Variants in YWHAQ observed in about 807,000 individuals in gnomAD.
YWHAQ encodes the protein tyrosine 3-monooxygenase/tryptophan 5-monooxygenase activation protein theta, also known as 14-3-3 protein theta.
A neutral mutation model predicts 28.3 loss-of-function variants in YWHAQ; 6 were observed. The observed-to-expected ratio is 0.21, with a 90% CI of 0.12 to 0.42. The LOEUF (loss-of-function observed/expected upper bound fraction) is 0.42. Among genes scored for constraint, YWHAQ ranks in the 10% least tolerant of loss-of-function variants. The pLI is 1.00. For synonymous variants in YWHAQ, 143 were observed against 119.1 expected (o/e 1.20, Z -1.31); for missense variants, 201 against 305.6 (o/e 0.66, Z 2.55).
chr2:9,598,397 A>G (rs1410660613), intron 2 of YWHAQ, among the ~76,000 whole-genome samples: 1 of 152,212 alleles, frequency 6.6e-6, no homozygotes, highest in East Asian at 1.9e-4. Context: ...CCACTGTCCT[A>G]GCAGACAGAT....
chr2:9,606,905 G>A (rs1028526433), intron 2 of YWHAQ, among the ~76,000 whole-genome samples: 1 of 145,904 alleles, frequency 6.9e-6, no homozygotes, highest in Non-Finnish European at 1.5e-5. Context: ...TTTTTTTTGA[G>A]ACAGAGTCTC....
chr2:9,593,181 T>G (rs1666491925), intron 2 of YWHAQ, among the ~76,000 whole-genome samples: 2 of 152,106 alleles, frequency 1.3e-5, no homozygotes, highest in Admixed American at 6.5e-5. Flanking sequence ...AAGAACTTTC[T>G]TCTTGTTTAT....
At chr2:9,591,538 T>G (rs1343544013) in intron 2 of YWHAQ, 23 bp from the exon 3 acceptor site, 1 of 1,593,816 alleles carries the variant, frequency 6.3e-7, no homozygotes, top group African/African-American at 1.3e-5. Context: ...AGACAGAACA[T>G]TAGGCACTAA....
intron 2 of YWHAQ, among the ~76,000 whole-genome samples, chr2:9,624,995 C>G (rs979709924): frequency 6.6e-6 from 1 of 151,952 alleles, no homozygotes; most frequent in Non-Finnish European, 1.5e-5. Context: ...CCACCTGCCT[C>G]GGCCTCCCAA....
At chr2:9,604,099 T>C (rs2125067395) in intron 2 of YWHAQ, among the ~76,000 whole-genome samples, 1 of 152,246 alleles carries the variant, frequency 6.6e-6, no homozygotes, top group East Asian at 1.9e-4. Flanking sequence ...CTGACCTCTG[T>C]CCAAAGTCAG....
intron 2 of YWHAQ, among the ~76,000 whole-genome samples, chr2:9,629,134 A>G (rs947177432): frequency 2.0e-5 from 3 of 152,068 alleles, no homozygotes; most frequent in Admixed American, 1.3e-4. Flanking sequence ...CCAGTCTAGT[A>G]TGCTTGTCTA....
intron 2 of YWHAQ, among the ~76,000 whole-genome samples, chr2:9,609,563 G>A (rs1268972253): frequency 6.6e-6 from 1 of 151,000 alleles, no homozygotes; most frequent in Non-Finnish European, 1.5e-5. Flanking sequence ...GATAGGAAAA[G>A]CACAATAAAT....
Position 9,591,489 on chromosome 2 carries a change from G to C in YWHAQ, c.321C>G (p.Ala107=), listed in dbSNP as rs760512737. ...VLELLDKYLI[A]NATNPESKVF... ...CCTTACTCTCTGGATTAGTTGCATT[G>C]GCTATTAAATATTTATCCAACAATT... Residue 107 remains alanine (A), a synonymous_variant, in exon 3 of 6, where the codon GCC becomes GCG. Coordinates refer to ENST00000238081, the MANE Select transcript of YWHAQ (RefSeq NM_006826.4). The C allele has an allele frequency of 3.7e-6, 6 of 1,609,702 alleles. No individual in the cohort carries two copies. In the South Asian group the frequency reaches 5.5e-5, roughly 15 times the overall value.
intron 3 of YWHAQ, among the ~76,000 whole-genome samples, chr2:9,589,860 T>C (rs1666424987): frequency 6.6e-6 from 1 of 152,218 alleles, no homozygotes; most frequent in African/African-American, 2.4e-5. Flanking sequence ...TACCCATGTT[T>C]TGAAAAGGGT....
At chr2:9,592,402 A>G (rs1666474579) in intron 2 of YWHAQ, among the ~76,000 whole-genome samples, 1 of 152,008 alleles carries the variant, frequency 6.6e-6, no homozygotes, top group African/African-American at 2.4e-5. Context: ...CTTAGATTCC[A>G]TTTTTCTTGA....
intron 2 of YWHAQ, among the ~76,000 whole-genome samples, chr2:9,624,605 C>T (rs973021657): frequency 2.0e-5 from 3 of 152,124 alleles, no homozygotes; most frequent in African/African-American, 7.2e-5. Context: ...ACCCACTAGA[C>T]GTGAGCAGCA....
Position 9,592,447 on chromosome 2 carries a change from C to T in YWHAQ, c.295-932G>A, listed in dbSNP as rs548412049. Among the ~76,000 whole-genome samples, 440 of 152,096 alleles carry T rather than the reference C, an allele frequency of 2.9e-3. 4 individuals carry two copies. Among genetic ancestry groups the T allele is most frequent in the African/African-American group, 9.8e-3 (405 of 41,488 alleles). On this transcript the variant is annotated intron_variant, in intron 2 of 5. Coordinates refer to ENST00000238081, the MANE Select transcript of YWHAQ (RefSeq NM_006826.4). Reference sequence around the variant, plus strand: ...ATCCATTTAAAAACCTTTTTAGGGCCGGGCGCGGTGGCTCACGGCTGTAAT... The same window carrying T: ...ATCCATTTAAAAACCTTTTTAGGGCTGGGCGCGGTGGCTCACGGCTGTAAT...
intron 2 of YWHAQ, among the ~76,000 whole-genome samples, chr2:9,601,334 C>T (rs35000301): frequency 0.16 from 23,823 of 151,770 alleles, 2,461 homozygotes; most frequent in Middle Eastern, 0.25. Context: ...TGGTGGCGCA[C>T]GCCTGTAATC....
chr2:9,621,897 G>T (rs948836742), intron 2 of YWHAQ, among the ~76,000 whole-genome samples: 2 of 152,190 alleles, frequency 1.3e-5, no homozygotes, highest in Non-Finnish European at 2.9e-5. Context: ...GGACATAGAT[G>T]AAGCTGGAAA....
At chr2:9,606,575 C>A (rs1172559640) in intron 2 of YWHAQ, among the ~76,000 whole-genome samples, 1 of 152,062 alleles carries the variant, frequency 6.6e-6, no homozygotes, top group East Asian at 1.9e-4. Context: ...TGTTGCCCAG[C>A]CTGGAGTGCA....
chr2:9,630,282 G>A lies in YWHAQ; in HGVS notation c.171C>T (p.Ser57=), dbSNP rs1667336859. The change falls in exon 2 of 6, where the codon TCC becomes TCT. Residue 57 remains serine, a synonymous_variant. Transcript: ENST00000238081. The surrounding 1 kb of genome is among the most constrained non-coding windows in gnomAD (Gnocchi z 5.6). ...AYKNVVGGRR[S]AWRVISSIEQ... ...CGATGCTAGAGATGACCCTCCAGGC[G>A]GACCTGCGGCCCCCGACCACGTTCT... The A allele has an allele frequency of 1.9e-6, 3 of 1,614,146 alleles. No individual in the cohort carries two copies. The highest frequency in any genetic ancestry group is 1.1e-5 in the South Asian group (1 of 91,088).
chr2:9,606,317 G>A (rs1036009155), intron 2 of YWHAQ, among the ~76,000 whole-genome samples: 1 of 152,156 alleles, frequency 6.6e-6, no homozygotes, highest in Non-Finnish European at 1.5e-5. Flanking sequence ...TGTAATCCCA[G>A]CACTTTGGGA....
chr2:9,626,623 G>T (rs991637617), intron 2 of YWHAQ, among the ~76,000 whole-genome samples: 1 of 152,316 alleles, frequency 6.6e-6, no homozygotes, highest in East Asian at 1.9e-4. Flanking sequence ...TAGAGACGGG[G>T]TTTCACCATG....
At chr2:9,592,102 A>G (rs993593610) in intron 2 of YWHAQ, among the ~76,000 whole-genome samples, 1 of 152,188 alleles carries the variant, frequency 6.6e-6, no homozygotes, top group Non-Finnish European at 1.5e-5. Flanking sequence ...GGGAAACAAA[A>G]TGTTTAAAAC....
Sources: allele counts gnomAD v4.1 joint callset (sites outside exome capture counted in the v4.1 genomes callset), GRCh38; gene constraint gnomAD v4.1.1; non-coding constraint Gnocchi (gnomAD v3.1); transcripts MANE v1.5; gene names NCBI Gene and HGNC (gene_info 2026-07-23, HGNC 2026-07-21).